The following HACE1 variants were observed in gnomAD, a reference collection of about 807,000 sequenced individuals.
HACE1 encodes the protein HECT domain and ankyrin repeat containing E3 ubiquitin protein ligase 1.
In HACE1, 73 loss-of-function variants were observed where a neutral mutation model predicts 118.4. That is an observed-to-expected ratio of 0.62 (90% confidence interval 0.51 to 0.75). The LOEUF (loss-of-function observed/expected upper bound fraction) is 0.75, where lower values mean the gene tolerates loss of function less well. Among genes scored for constraint, HACE1 ranks in the 30% least tolerant of loss-of-function variants. The pLI is 0.00. For missense variants in HACE1, 749 were observed against 1,102.2 expected (o/e 0.68, Z 4.54); for synonymous variants, 368 against 374.8 (o/e 0.98, Z 0.21).
intron 22 of HACE1, among the ~76,000 whole-genome samples, chr6:104,738,592 ATG>A (rs1295213333): frequency 1.6e-3 from 232 of 149,318 alleles, no homozygotes; most frequent in African/African-American, 5.7e-3. Context: ...AATGAATGAA[ATG>A]AAGCGAGAAG....
chr6:104,838,032 T>C (rs1384950893), intron 5 of HACE1, among the ~76,000 whole-genome samples: 1 of 151,758 alleles, frequency 6.6e-6, no homozygotes, highest in African/African-American at 2.4e-5. Context: ...AAAAGAAAAC[T>C]ATAGAAAAAG....
At chr6:104,775,555 C>T (rs1251947568) in intron 17 of HACE1, among the ~76,000 whole-genome samples, 1 of 152,060 alleles carries the variant, frequency 6.6e-6, no homozygotes, top group East Asian at 1.9e-4. Flanking sequence ...AGAAATAAGT[C>T]TAAAATATAA....
chr6:104,832,871 C>G (rs1310272557), intron 6 of HACE1, among the ~76,000 whole-genome samples, 171 bp downstream of exon 6: 5 of 151,988 alleles, frequency 3.3e-5, no homozygotes, highest in Non-Finnish European at 2.9e-5. Flanking sequence ...TGCACTCCAG[C>G]CTGGGCAACA....
intron 1 of HACE1, among the ~76,000 whole-genome samples, chr6:104,854,500 TA>T (rs1374684491): frequency 6.6e-6 from 1 of 152,098 alleles, no homozygotes; most frequent in East Asian, 1.9e-4. Context: ...AAAATTACTT[TA>T]AAAAATACTT....
chr6:104,786,875 G>T (rs1306302329), intron 11 of HACE1: 3 of 152,046 alleles, frequency 2.0e-5, no homozygotes, highest in Non-Finnish European at 2.9e-5. Flanking sequence ...ATATTTCAAG[G>T]AAAGAAATAA....
intron 6 of HACE1, among the ~76,000 whole-genome samples, chr6:104,826,280 G>A (rs926588951): frequency 3.9e-5 from 6 of 152,076 alleles, no homozygotes; most frequent in Non-Finnish European, 7.4e-5. Flanking sequence ...CTAGATACTC[G>A]AGTTACAACA....
At chr6:104,786,813 T>C (rs1782467964) in intron 11 of HACE1, 3 of 152,134 alleles carry the variant, frequency 2.0e-5, no homozygotes, top group Admixed American at 2.0e-4. Context: ...TCTGACATGA[T>C]TACAGAATGC....
rs967749434 is a variant in HACE1, at chr6:104,859,877, C to CA, written c.-236dup. ...GCCGCCTCTGCTCGCGCCTTTCCTG[C>CA]AGCCCCCGCCGCCGCGTCCCTCCCG... On this transcript the variant is annotated 5_prime_UTR_variant, in exon 1 of 24. Coordinates refer to ENST00000262903, the MANE Select transcript of HACE1 (RefSeq NM_020771.4). 2.1e-6 allele frequency: 1 copy of CA among 485,284 alleles called. No homozygotes were observed. Among genetic ancestry groups the CA allele is most frequent in the Non-Finnish European group, 3.6e-6 (1 of 275,560 alleles). The allele number at this position is 485,284 out of a possible 1,614,324, so 30.1% of individuals were successfully genotyped here.
chr6:104,797,736 T>C (rs1769828394), intron 7 of HACE1, among the ~76,000 whole-genome samples: 1 of 151,990 alleles, frequency 6.6e-6, no homozygotes, highest in Non-Finnish European at 1.5e-5. Flanking sequence ...ATTGTGTAAC[T>C]ATCACTCCAG....
At chr6:104,769,472 A>AAT (rs1169433670) in intron 19 of HACE1, among the ~76,000 whole-genome samples, 44 of 152,330 alleles carry the variant, frequency 2.9e-4, no homozygotes, top group South Asian at 6.2e-4. Flanking sequence ...AATTGAGGGT[A>AAT]GGCCTCCAGT....
chr6:104,850,125 T>C (rs1776053848), intron 3 of HACE1, among the ~76,000 whole-genome samples: 1 of 152,038 alleles, frequency 6.6e-6, no homozygotes, highest in Non-Finnish European at 1.5e-5. Flanking sequence ...GATTTTTGTA[T>C]TTTTAGTAGA....
chr6:104,736,326 C>A (rs1376191734), intron 22 of HACE1, among the ~76,000 whole-genome samples: 1 of 151,626 alleles, frequency 6.6e-6, no homozygotes, highest in African/African-American at 2.4e-5. Flanking sequence ...ACACTGTCAC[C>A]CCAGCTAGAG....
At chr6:104,790,180 GGACA>G (rs1188157307) in intron 11 of HACE1, among the ~76,000 whole-genome samples, 1 of 151,812 alleles carries the variant, frequency 6.6e-6, no homozygotes, top group Non-Finnish European at 1.5e-5. Flanking sequence ...TAAAACAGAT[GGACA>G]GACATTCATA....
intron 5 of HACE1, among the ~76,000 whole-genome samples, chr6:104,839,052 A>G (rs1774835361): frequency 6.6e-6 from 1 of 152,168 alleles, no homozygotes; most frequent in South Asian, 2.1e-4. Flanking sequence ...ACAATGAGGT[A>G]TCATCTCACC....
chr6:104,808,647 A>T (rs1771285546), intron 7 of HACE1, among the ~76,000 whole-genome samples: 1 of 152,176 alleles, frequency 6.6e-6, no homozygotes, highest in African/African-American at 2.4e-5. Context: ...TCAACCAATA[A>T]AAACTATACA....
intron 22 of HACE1, among the ~76,000 whole-genome samples, chr6:104,734,506 G>A (rs1775600472): frequency 6.6e-6 from 1 of 152,134 alleles, no homozygotes; most frequent in Non-Finnish European, 1.5e-5. Flanking sequence ...TAAAATTTAA[G>A]ATTTTAAAAA....
rs1172376651 is a variant in HACE1 at position 104,774,182 on chromosome 6, C to T, written c.1865-2108G>A. On this transcript the variant is annotated intron_variant, in intron 17 of 23. Transcript: ENST00000262903. ...TCGGCTCACTGCAAGCTCCGCCTCC[C>T]GGGTTCACGCCATTCTCCTGCCTCA... Among the ~76,000 whole-genome samples the T allele has an allele frequency of 2.6e-4, 30 of 115,680 alleles. 2 individuals carry two copies. Among genetic ancestry groups the T allele is most frequent in the East Asian group, 8.5e-4 (4 of 4,712 alleles). The allele number at this position is 115,680 out of a possible 152,430, so 75.9% of individuals were successfully genotyped here. A position where few individuals can be genotyped will look rare whatever the true frequency, so the allele number is the denominator to read the frequency against.
chr6:104,806,266 C>A (rs1293862872), intron 7 of HACE1, among the ~76,000 whole-genome samples: 3 of 151,948 alleles, frequency 2.0e-5, no homozygotes, highest in Non-Finnish European at 2.9e-5. Context: ...GTTGAAGACC[C>A]GCTTGGATGA....
chr6:104,739,134 C>G (rs1303624819), intron 22 of HACE1, among the ~76,000 whole-genome samples: 1 of 151,960 alleles, frequency 6.6e-6, no homozygotes, highest in East Asian at 1.9e-4. Context: ...ATTTTGTCAC[C>G]ACCAGGCCTG....
Sources: allele counts gnomAD v4.1 joint callset (sites outside exome capture counted in the v4.1 genomes callset), GRCh38; gene constraint gnomAD v4.1.1; transcripts MANE v1.5; gene names NCBI Gene and HGNC (gene_info 2026-07-23, HGNC 2026-07-21).